The following IMMP2L variants were observed in gnomAD, a reference collection of about 807,000 sequenced individuals.
IMMP2L encodes inner mitochondrial membrane peptidase subunit 2.
IMMP2L carries 18 observed loss-of-function variants against 19.3 expected under a neutral mutation model. The observed-to-expected ratio is 0.93, with a 90% CI of 0.64 to 1.38. The LOEUF is 1.38. Among genes scored for constraint, IMMP2L ranks in the 40% most tolerant of loss-of-function variants. The pLI is 0.00. For synonymous variants in IMMP2L, 76 were observed against 73.0 expected, an observed-to-expected ratio of 1.04 and a Z score of -0.21; for missense variants, 233 against 218.2, an observed-to-expected ratio of 1.07 and a Z score of -0.43.
At chr7:110,996,375 G>A (rs1246166781) in intron 3 of IMMP2L, among the ~76,000 whole-genome samples, 1 of 152,070 alleles carries the variant, frequency 6.6e-6, no homozygotes, top group African/African-American at 2.4e-5. Flanking sequence ...CAGAGAGAAC[G>A]AGAGGGGGGT....
chr7:110,681,296 A>G (rs1228621208), intron 5 of IMMP2L, among the ~76,000 whole-genome samples: 1 of 152,134 alleles, frequency 6.6e-6, no homozygotes, highest in African/African-American at 2.4e-5. Flanking sequence ...CAGTGAAATG[A>G]GGTATAGAAC....
At position 111,426,445 on chromosome 7, in the gene IMMP2L, C is replaced by T. The variant is rs2131642919; in HGVS notation, c.239+60793G>A. Among the ~76,000 whole-genome samples, 3 of 151,090 alleles carry T rather than the reference C, an allele frequency of 2.0e-5. No homozygotes were observed. The South Asian group carries it at 6.2e-4, about 31-fold the overall frequency. Reference sequence around the variant, plus strand: ...AATAACATGTTTTCCCTGGAACTCACTTTGGGAAACAATTCTCTAAAGTCT... The same window carrying T: ...AATAACATGTTTTCCCTGGAACTCATTTTGGGAAACAATTCTCTAAAGTCT... On this transcript the variant is annotated intron_variant, in intron 3 of 5. Coordinates refer to ENST00000405709, the MANE Select transcript of IMMP2L (RefSeq NM_032549.4).
chr7:111,336,268 G>A (rs1826398919), intron 3 of IMMP2L, among the ~76,000 whole-genome samples: 1 of 150,936 alleles, frequency 6.6e-6, no homozygotes, highest in Non-Finnish European at 1.5e-5. Context: ...TGCCCAGGCT[G>A]GTCTTGAACT....
intron 5 of IMMP2L, among the ~76,000 whole-genome samples, chr7:110,743,723 G>A (rs1353516112): frequency 6.6e-6 from 1 of 152,212 alleles, no homozygotes; most frequent in Non-Finnish European, 1.5e-5. Context: ...GAAGCCATTA[G>A]GGACTGTACT....
chr7:111,478,009 T>C (rs999470743), intron 3 of IMMP2L, among the ~76,000 whole-genome samples: 1 of 152,198 alleles, frequency 6.6e-6, no homozygotes, highest in Non-Finnish European at 1.5e-5. Flanking sequence ...ATTCTGTGGA[T>C]TGATGTCTTT....
intron 1 of IMMP2L, among the ~76,000 whole-genome samples, chr7:111,524,890 T>C (rs1265041770): frequency 6.6e-6 from 1 of 152,144 alleles, no homozygotes; most frequent in Non-Finnish European, 1.5e-5. Flanking sequence ...GGCAGTTCAA[T>C]CATCCATCCA....
chr7:111,396,397 C>T (rs1218565101), intron 3 of IMMP2L, among the ~76,000 whole-genome samples: 1 of 151,928 alleles, frequency 6.6e-6, no homozygotes, highest in Non-Finnish European at 1.5e-5. Flanking sequence ...CTCAGCAAAC[C>T]AACAAAGGAA....
rs74749892 is a variant in IMMP2L at position 111,311,505 on chromosome 7, A to G, written c.239+175733T>C. Among the ~76,000 whole-genome samples, 1,329 of 152,218 alleles carry G rather than the reference A, an allele frequency of 8.7e-3. 21 individuals are homozygous for G. Among genetic ancestry groups the G allele is most frequent in the African/African-American group, 0.03 (1,255 of 41,552 alleles). ...AGAATTTCCCTTTCCACAATGTACA[A>G]TCATCCTGGTAAATGACTGAGATCA... On this transcript the variant is annotated intron_variant, in intron 3 of 5. Coordinates refer to ENST00000405709, the MANE Select transcript of IMMP2L (RefSeq NM_032549.4).
At chr7:111,418,916 T>C (rs1835206143) in intron 3 of IMMP2L, among the ~76,000 whole-genome samples, 2 of 151,816 alleles carry the variant, frequency 1.3e-5, no homozygotes, top group African/African-American at 4.9e-5. Flanking sequence ...TGATTTACAG[T>C]TTATTTCATA....
chr7:111,410,687 G>T (rs1325452823), intron 3 of IMMP2L, among the ~76,000 whole-genome samples: 2 of 151,538 alleles, frequency 1.3e-5, no homozygotes, highest in African/African-American at 4.9e-5. Flanking sequence ...AGACTTAAAG[G>T]AAATATGAAC....
intron 2 of IMMP2L, among the ~76,000 whole-genome samples, chr7:111,511,607 C>A (rs1585439804): frequency 2.0e-5 from 3 of 150,838 alleles, no homozygotes; most frequent in Admixed American, 2.0e-4. Context: ...GGAGATCGCG[C>A]CACTGCACTC....
At chr7:111,267,885 T>C (rs1372395088) in intron 3 of IMMP2L, among the ~76,000 whole-genome samples, 1 of 152,094 alleles carries the variant, frequency 6.6e-6, no homozygotes, top group East Asian at 1.9e-4. Flanking sequence ...AAAAATAGTG[T>C]CGGTTCATTC....
In IMMP2L at chr7:110,870,477, G is replaced by A. The variant is rs985664425; in HGVS notation, c.408+16116C>T. On this transcript the variant is annotated intron_variant, in intron 5 of 5. Coordinates refer to ENST00000405709, the MANE Select transcript of IMMP2L (RefSeq NM_032549.4). The surrounding 1 kb of genome is among the most constrained non-coding windows in gnomAD (Gnocchi z 4.2). ...CCTCATGAAGCTCAATTTTCTATTG[G>A]AGGAGATAAAAATATAAACATGAAT... Among the ~76,000 whole-genome samples, 1 of 152,110 alleles carries A rather than the reference G, an allele frequency of 6.6e-6. No homozygotes were observed. The highest frequency in any genetic ancestry group is 6.6e-5 in the Admixed American group (1 of 15,252).
In IMMP2L at chr7:111,538,708, G is replaced by A. The variant is rs552541277; in HGVS notation, c.-2-17259C>T. On this transcript the variant is annotated intron_variant, in intron 1 of 5. Coordinates refer to ENST00000405709, the MANE Select transcript of IMMP2L (RefSeq NM_032549.4). ...GCCTGTGCTCCCAGCTACTCAGGAG[G>A]CTGAGGTGGGAGGATCACTTGAGCC... is the stretch of plus-strand genomic sequence containing the variant. Among the ~76,000 whole-genome samples the A allele has an allele frequency of 1.8e-4, 27 of 150,968 alleles. No individual in the cohort carries two copies. The South Asian group carries it at 5.5e-3, about 31-fold the overall frequency.
chr7:111,043,675 T>C (rs757944153), intron 3 of IMMP2L, among the ~76,000 whole-genome samples: 2 of 152,242 alleles, frequency 1.3e-5, no homozygotes, highest in East Asian at 1.9e-4. Flanking sequence ...TTTGATATAA[T>C]AGTTTTTTAG....
chr7:111,175,583 A>G (rs1806959578), intron 3 of IMMP2L, among the ~76,000 whole-genome samples: 1 of 151,248 alleles, frequency 6.6e-6, no homozygotes, highest in South Asian at 2.1e-4. Flanking sequence ...ATAGTAGAAG[A>G]AGGAAACCAG....
chr7:111,404,182 A>T (rs947014032), intron 3 of IMMP2L, among the ~76,000 whole-genome samples: 2 of 152,146 alleles, frequency 1.3e-5, no homozygotes, highest in African/African-American at 4.8e-5. Context: ...AAGGATGTAA[A>T]TTCATCTGAG....
chr7:111,212,166 A>C (rs947469190), intron 3 of IMMP2L, among the ~76,000 whole-genome samples: 1 of 151,508 alleles, frequency 6.6e-6, no homozygotes, highest in Admixed American at 6.6e-5. Flanking sequence ...CTCTGTCTCT[A>C]TCTCTATCTC....
chr7:111,284,515 T>A (rs1006454246), intron 3 of IMMP2L, among the ~76,000 whole-genome samples: 2 of 152,106 alleles, frequency 1.3e-5, no homozygotes, highest in African/African-American at 4.8e-5. Context: ...CCATGATTCT[T>A]AGAAGTGGAA....
Sources: allele counts gnomAD v4.1 joint callset (sites outside exome capture counted in the v4.1 genomes callset), GRCh38; gene constraint gnomAD v4.1.1; non-coding constraint Gnocchi (gnomAD v3.1); transcripts MANE v1.5; gene names NCBI Gene and HGNC (gene_info 2026-07-23, HGNC 2026-07-21).